Variants in CHST11 observed in about 807,000 individuals in gnomAD.
CHST11 encodes the protein C4S-1.
Under a neutral mutation model 30.4 loss-of-function variants are expected in CHST11, and 9 were observed. The observed-to-expected ratio is 0.30, with a 90% CI of 0.18 to 0.52. CHST11 has a LOEUF of 0.52. Ranked by LOEUF, CHST11 falls within the 20% of genes least tolerant of loss-of-function variation. The probability of loss-of-function intolerance (pLI) is 0.97; values close to 1 mark genes in which losing one functional copy is unlikely to be tolerated. For synonymous variants in CHST11, 152 were observed against 187.8 expected, an observed-to-expected ratio of 0.81 and a Z score of 1.56; for missense variants, 348 against 460.6, an observed-to-expected ratio of 0.76 and a Z score of 2.24.
chr12:104,496,887 G>A (rs571116356), intron 1 of CHST11, among the ~76,000 whole-genome samples: 12 of 152,316 alleles, frequency 7.9e-5, no homozygotes, highest in African/African-American at 2.9e-4. Context: ...CTTTCCACTG[G>A]AGGTGGGGAA....
intron 1 of CHST11, among the ~76,000 whole-genome samples, chr12:104,577,189 G>C (rs2038691715): frequency 7.6e-6 from 1 of 131,776 alleles, no homozygotes; most frequent in Admixed American, 7.8e-5. Flanking sequence ...GAGTGTTTCT[G>C]TTTTGCACCG....
At chr12:104,519,292 A>G (rs574514243) in intron 1 of CHST11, among the ~76,000 whole-genome samples, 1 of 152,324 alleles carries the variant, frequency 6.6e-6, no homozygotes, top group African/African-American at 2.4e-5. Context: ...AATTTCCAGG[A>G]AACCCCCTTA....
intron 1 of CHST11, among the ~76,000 whole-genome samples, chr12:104,466,246 C>T (rs879269000): frequency 2.0e-5 from 3 of 152,002 alleles, no homozygotes; most frequent in African/African-American, 4.8e-5. Flanking sequence ...GAATGGGGCT[C>T]CAGGAATGTC....
At chr12:104,522,449 G>C (rs940091795) in intron 1 of CHST11, among the ~76,000 whole-genome samples, 16 of 152,150 alleles carry the variant, frequency 1.1e-4, no homozygotes, top group African/African-American at 3.9e-4. Context: ...CCTTTTGCCT[G>C]ATGTAGATGT....
chr12:104,660,508 T>C (rs2039589532), intron 2 of CHST11, among the ~76,000 whole-genome samples: 1 of 152,180 alleles, frequency 6.6e-6, no homozygotes, highest in Admixed American at 6.5e-5. Context: ...ATGGAGGACA[T>C]GAAAGCTCAT....
intron 2 of CHST11, among the ~76,000 whole-genome samples, chr12:104,720,066 T>G (rs1459201651): frequency 2.0e-5 from 3 of 152,210 alleles, no homozygotes; most frequent in Non-Finnish European, 2.9e-5. Flanking sequence ...TGTAAACATG[T>G]TGCTTTTTGT....
At chr12:104,750,428 C>CCTT (rs1420945578) in intron 2 of CHST11, among the ~76,000 whole-genome samples, 6 of 48,828 alleles carry the variant, frequency 1.2e-4, no homozygotes, top group African/African-American at 4.9e-4. Flanking sequence ...TATTTCTGCA[C>CCTT]TTTTTTTTTT....
intron 1 of CHST11, among the ~76,000 whole-genome samples, chr12:104,572,757 G>T (rs149851998): frequency 6.6e-6 from 1 of 152,106 alleles, no homozygotes. Flanking sequence ...CCTTCTGCTA[G>T]CTTTTGAATG....
At position 104,457,246 on chromosome 12, in the gene CHST11, G is replaced by T; in HGVS notation, c.-166G>T. On this transcript the variant is annotated 5_prime_UTR_variant, in exon 1 of 3. Coordinates refer to ENST00000303694, the MANE Select transcript of CHST11 (RefSeq NM_018413.6). Reference sequence around the variant, plus strand: ...CCGGCACCTTCCACACCCCTGCCCGGGCTGGGGGCTCCGAGAGCGGCCGCG... The same window carrying T: ...CCGGCACCTTCCACACCCCTGCCCGTGCTGGGGGCTCCGAGAGCGGCCGCG... 1 of 586,218 alleles carries T rather than the reference G, an allele frequency of 1.7e-6. No individual in the cohort carries two copies. The highest frequency in any genetic ancestry group is 3.0e-6 in the Non-Finnish European group (1 of 328,290). 36.3% of individuals were successfully genotyped at this position (586,218 alleles called of 1,614,324 possible). A position where few individuals can be genotyped will look rare whatever the true frequency, so the allele number is the denominator to read the frequency against.
chr12:104,578,346 T>C (rs1352844793), intron 1 of CHST11, among the ~76,000 whole-genome samples: 2 of 152,222 alleles, frequency 1.3e-5, no homozygotes, highest in African/African-American at 4.8e-5. Context: ...CGATAAGTTT[T>C]CCTGAATTGA....
intron 1 of CHST11, among the ~76,000 whole-genome samples, chr12:104,576,355 TAGC>T (rs2038683760): frequency 6.6e-6 from 1 of 152,112 alleles, no homozygotes; most frequent in South Asian, 2.1e-4. Context: ...GGGCAGGTAT[TAGC>T]AGGCCCATTT....
chr12:104,696,758 T>A (rs952525417), intron 2 of CHST11, among the ~76,000 whole-genome samples: 1 of 152,234 alleles, frequency 6.6e-6, no homozygotes, highest in Non-Finnish European at 1.5e-5. Flanking sequence ...CCTCTCAACC[T>A]CTTATGAATT....
intron 2 of CHST11, among the ~76,000 whole-genome samples, chr12:104,666,624 C>T (rs1297617001): frequency 6.6e-6 from 1 of 152,168 alleles, no homozygotes; most frequent in Admixed American, 6.5e-5. Context: ...TATTCAAATT[C>T]AGTATCCAAG....
At chr12:104,507,116 C>T (rs1006850142) in intron 1 of CHST11, among the ~76,000 whole-genome samples, 4 of 152,236 alleles carry the variant, frequency 2.6e-5, no homozygotes, top group East Asian at 3.9e-4. Context: ...TGAGCTGTGA[C>T]GGTTCAGTGC....
chr12:104,627,876 G>T (rs1269876567), intron 2 of CHST11, among the ~76,000 whole-genome samples: 4 of 152,174 alleles, frequency 2.6e-5, no homozygotes, highest in Non-Finnish European at 5.9e-5. Context: ...GGCAGGACTG[G>T]TGGTAATTAT....
chr12:104,608,109 T>G (rs1286421587), intron 2 of CHST11, among the ~76,000 whole-genome samples: 1 of 152,066 alleles, frequency 6.6e-6, no homozygotes, highest in Non-Finnish European at 1.5e-5. Flanking sequence ...GGTGTTGATA[T>G]TTTTCAAAGC....
intron 2 of CHST11, among the ~76,000 whole-genome samples, chr12:104,705,646 C>T (rs1022255146): frequency 7.2e-5 from 11 of 152,136 alleles, no homozygotes; most frequent in Non-Finnish European, 1.3e-4. Context: ...CAGGGCCAGG[C>T]GCGGTGGCTC....
At chr12:104,700,155 A>G (rs1206083001) in intron 2 of CHST11, among the ~76,000 whole-genome samples, 1 of 152,202 alleles carries the variant, frequency 6.6e-6, no homozygotes, top group Non-Finnish European at 1.5e-5. Flanking sequence ...TTTAAATCAG[A>G]TTAGAAGTAA....
chr12:104,706,164 A>G (rs527717571), intron 2 of CHST11, among the ~76,000 whole-genome samples: 9 of 151,792 alleles, frequency 5.9e-5, no homozygotes, highest in African/African-American at 2.2e-4. Context: ...CGGGCAGATC[A>G]CCTGAGGTCA....
Sources: gnomAD v4.1 joint callset for allele counts (sites outside exome capture counted in the v4.1 genomes callset) on GRCh38, gnomAD v4.1.1 for gene constraint, MANE v1.5 for transcripts, NCBI Gene and HGNC (gene_info 2026-07-23, HGNC 2026-07-21) for gene names.